The following POLQ variants were observed in gnomAD, a reference collection of about 807,000 sequenced individuals.
The protein encoded by POLQ is epididymis secretory sperm binding protein.
POLQ carries 233 observed loss-of-function variants against 259.2 expected under a neutral mutation model. The ratio of observed to expected loss-of-function variants is 0.90; its 90% confidence interval spans 0.81 to 1.00. The LOEUF is 1.00. POLQ is among the 50% of genes least tolerant of loss of function. The pLI is 0.00. For missense variants in POLQ, 2,871 were observed against 3,051.6 expected (o/e 0.94, Z 1.39); for synonymous variants, 1,025 against 1,048.8 (o/e 0.98, Z 0.44).
At chr3:121,519,361 T>TAC (rs2048321503) in intron 9 of POLQ, among the ~76,000 whole-genome samples, 1 of 122,138 alleles carries the variant, frequency 8.2e-6, no homozygotes, top group African/African-American at 3.6e-5. Context: ...CAGTTGATGA[T>TAC]ATATATATAT....
intron 7 of POLQ, among the ~76,000 whole-genome samples, chr3:121,522,719 T>C (rs1341441430): frequency 6.6e-6 from 1 of 152,164 alleles, no homozygotes; most frequent in Non-Finnish European, 1.5e-5. Flanking sequence ...CCCCAGGCAA[T>C]TCCAATGTGC....
chr3:121,526,691 T>C (rs2048375403), intron 7 of POLQ, among the ~76,000 whole-genome samples: 1 of 152,202 alleles, frequency 6.6e-6, no homozygotes, highest in South Asian at 2.1e-4. Context: ...CAATATATTA[T>C]GTATTGAAAA....
chr3:121,435,476 G>A (rs1163953571), intron 28 of POLQ, among the ~76,000 whole-genome samples: 1 of 152,168 alleles, frequency 6.6e-6, no homozygotes, highest in Non-Finnish European at 1.5e-5. Context: ...AGACCACAGA[G>A]GATCCCAAAA....
chr3:121,481,807 T>G lies in POLQ; in HGVS notation c.5976A>C (p.Ala1992=). The stretch of plus-strand genomic sequence containing the variant: ...GAGAATCTGGATCTAGTAACCAGCA[T>G]GCCACCTGAATGGGATAGCAATGAG... ...LEQSYEDPKV[A]CWLLDPDSQE... Residue 1992 remains alanine (A), a synonymous_variant, in exon 19 of 30, where the codon GCA becomes GCC. Transcript: ENST00000264233. 1 of 1,610,170 alleles carries G rather than the reference T, an allele frequency of 6.2e-7. No individual in the cohort carries two copies. Among genetic ancestry groups the G allele is most frequent in the Non-Finnish European group, 8.5e-7 (1 of 1,177,176 alleles).
chr3:121,465,675 G>C lies in POLQ; in HGVS notation c.6967+1844C>G, dbSNP rs148519413. Reference sequence around the variant, plus strand: ...CCCTCTCATTATTATCTGTTATGGTGATCTTTGATATTACTATTATTACAA... The same window carrying C: ...CCCTCTCATTATTATCTGTTATGGTCATCTTTGATATTACTATTATTACAA... On this transcript the variant is annotated intron_variant, in intron 24 of 29. Coordinates refer to ENST00000264233, the MANE Select transcript of POLQ (RefSeq NM_199420.4). Among the ~76,000 whole-genome samples, 1,283 of 152,224 alleles carry C rather than the reference G, an allele frequency of 8.4e-3. 16 individuals are homozygous for C. The highest frequency in any genetic ancestry group is 0.038 in the South Asian group (183 of 4,816).
chr3:121,482,577 T>C (rs545380504), intron 18 of POLQ, among the ~76,000 whole-genome samples: 139 of 138,700 alleles, frequency 1.0e-3, no homozygotes, highest in African/African-American at 3.8e-3. Flanking sequence ...ATATCCAGAG[T>C]TTCAGAAAGC....
At chr3:121,452,491 CTGTTT>C (rs1560087187) in intron 25 of POLQ, among the ~76,000 whole-genome samples, 1 of 112,072 alleles carries the variant, frequency 8.9e-6, no homozygotes, top group Non-Finnish European at 1.8e-5. Context: ...GTTGTTACTC[CTGTTT>C]TTTTTTTTTT....
intron 9 of POLQ, among the ~76,000 whole-genome samples, chr3:121,518,283 A>G (rs1228636402): frequency 1.3e-5 from 2 of 152,230 alleles, no homozygotes; most frequent in Non-Finnish European, 2.9e-5. Flanking sequence ...AGGGAACATT[A>G]GATAGCATTT....
At chr3:121,497,681 C>A (rs2048135628) in intron 13 of POLQ, among the ~76,000 whole-genome samples, 1 of 152,172 alleles carries the variant, frequency 6.6e-6, no homozygotes, top group Non-Finnish European at 1.5e-5. Context: ...AAGTGATCCG[C>A]CCACTTTGGC....
intron 9 of POLQ, among the ~76,000 whole-genome samples, chr3:121,514,199 A>G (rs1366861352): frequency 6.7e-6 from 1 of 149,412 alleles, no homozygotes; most frequent in Admixed American, 6.7e-5. Context: ...ATGATGGCAC[A>G]TTCCTATAAT....
intron 26 of POLQ, among the ~76,000 whole-genome samples, chr3:121,441,174 GA>G (rs944884102): frequency 2.0e-5 from 3 of 152,112 alleles, no homozygotes; most frequent in Non-Finnish European, 4.4e-5. Context: ...TGAGATTTAA[GA>G]GGCTGTACTT....
intron 7 of POLQ, among the ~76,000 whole-genome samples, chr3:121,525,490 G>A (rs569113672): frequency 6.6e-6 from 1 of 152,236 alleles, no homozygotes; most frequent in East Asian, 1.9e-4. Flanking sequence ...CTGTCTCAGG[G>A]GTGGCAGAGG....
chr3:121,481,818 T>A lies in POLQ; in HGVS notation c.5971-6A>T. ...TCTAGTAACCAGCATGCCACCTGAA[T>A]GGGATAGCAATGAGAATATTTTCCT... On this transcript the variant is annotated splice_region_variant and splice_polypyrimidine_tract_variant and intron_variant, in intron 18 of 29. Transcript: ENST00000264233. The A allele has an allele frequency of 6.2e-7, 1 of 1,606,506 alleles. No individual in the cohort carries two copies. The highest frequency in any genetic ancestry group is 1.3e-5 in the African/African-American group (1 of 74,814).
intron 7 of POLQ, among the ~76,000 whole-genome samples, chr3:121,524,538 AC>A (rs2048359275): frequency 6.6e-6 from 1 of 152,210 alleles, no homozygotes; most frequent in East Asian, 1.9e-4. Flanking sequence ...CCATCTGGCA[AC>A]AAAAAAGGAA....
At chr3:121,527,924 T>TA (rs1295647422) in intron 7 of POLQ, among the ~76,000 whole-genome samples, 1 of 152,232 alleles carries the variant, frequency 6.6e-6, no homozygotes, top group East Asian at 1.9e-4. Context: ...CGTCATATTT[T>TA]AAGTGCATAC....
At chr3:121,517,533 CA>C (rs1306322912) in intron 9 of POLQ, among the ~76,000 whole-genome samples, 2 of 152,140 alleles carry the variant, frequency 1.3e-5, no homozygotes, top group Non-Finnish European at 2.9e-5. Context: ...CGTGGCCACC[CA>C]AGCTAAAGAT....
intron 16 of POLQ, among the ~76,000 whole-genome samples, chr3:121,486,893 C>CAGAGAG (rs3045624): frequency 1.2e-4 from 17 of 140,484 alleles, no homozygotes; most frequent in South Asian, 2.3e-4. Context: ...GAAAGAGAGA[C>CAGAGAG]AGAGAGAGAG....
chr3:121,498,455 G>A (rs752858784), intron 13 of POLQ, 22 bp downstream of exon 13: 3 of 1,581,336 alleles, frequency 1.9e-6, no homozygotes, highest in Non-Finnish European at 2.6e-6. Flanking sequence ...ATACCGGAGA[G>A]CCCAGAGACC....
intron 12 of POLQ, among the ~76,000 whole-genome samples, chr3:121,501,277 A>C (rs568043210): frequency 6.6e-6 from 1 of 152,216 alleles, no homozygotes; most frequent in African/African-American, 2.4e-5. Context: ...AGAATATTAT[A>C]TAAAGGAGAG....
Sources: allele counts gnomAD v4.1 joint callset (sites outside exome capture counted in the v4.1 genomes callset), GRCh38; gene constraint gnomAD v4.1.1; transcripts MANE v1.5; gene names NCBI Gene and HGNC (gene_info 2026-07-23, HGNC 2026-07-21).